FHOD3: variants seen among roughly 807,000 people sequenced by gnomAD.
FHOD3 encodes the protein FH1/FH2 domain-containing protein 3.
A neutral mutation model predicts 173.0 loss-of-function variants in FHOD3; 90 were observed. The observed-to-expected ratio is 0.52, with a 90% CI of 0.44 to 0.62. The LOEUF (loss-of-function observed/expected upper bound fraction) is 0.62, where lower values mean the gene tolerates loss of function less well. Among genes scored for constraint, FHOD3 ranks in the 20% least tolerant of loss-of-function variants. The pLI is 0.00. For synonymous variants in FHOD3, 828 were observed against 823.0 expected (o/e 1.01, Z -0.10); for missense variants, 1,945 against 2,034.7 (o/e 0.96, Z 0.85).
At chr18:36,529,734 A>G (rs2056697375) in intron 5 of FHOD3, among the ~76,000 whole-genome samples, 1 of 152,200 alleles carries the variant, frequency 6.6e-6, no homozygotes. Flanking sequence ...CAGGAGGCAG[A>G]GGTTGCAGTG....
At chr18:36,373,128 G>A (rs985893297) in intron 3 of FHOD3, among the ~76,000 whole-genome samples, 1 of 152,162 alleles carries the variant, frequency 6.6e-6, no homozygotes, top group African/African-American at 2.4e-5. Context: ...TTGTTATCAG[G>A]TGACTAAAAG....
intron 3 of FHOD3, among the ~76,000 whole-genome samples, chr18:36,484,897 C>T (rs2054114629): frequency 6.6e-6 from 1 of 152,210 alleles, no homozygotes; most frequent in Non-Finnish European, 1.5e-5. Flanking sequence ...TCCCGGCTGG[C>T]TTCCTGTTCC....
At chr18:36,638,808 G>C (rs2035073248) in intron 10 of FHOD3, among the ~76,000 whole-genome samples, 1 of 152,194 alleles carries the variant, frequency 6.6e-6, no homozygotes, top group African/African-American at 2.4e-5. Flanking sequence ...GACAGTGTCA[G>C]TCACCCCCAT....
intron 25 of FHOD3, among the ~76,000 whole-genome samples, chr18:36,758,589 C>T (rs1236491255): frequency 6.6e-6 from 1 of 152,120 alleles, no homozygotes; most frequent in East Asian, 1.9e-4. Flanking sequence ...GAAGGACCAG[C>T]GGTAGCCCAG....
chr18:36,406,631 T>A (rs2049087864), intron 3 of FHOD3, among the ~76,000 whole-genome samples: 1 of 152,174 alleles, frequency 6.6e-6, no homozygotes, highest in Non-Finnish European at 1.5e-5. Context: ...ATGAATGAAT[T>A]TGATCTGAGA....
intron 13 of FHOD3, among the ~76,000 whole-genome samples, chr18:36,653,664 G>A (rs2036217786): frequency 6.6e-6 from 1 of 152,176 alleles, no homozygotes; most frequent in Admixed American, 6.5e-5. Context: ...GTGTCCACCT[G>A]TATTAATGCC....
intron 12 of FHOD3, 121 bp downstream of exon 12, chr18:36,653,050 G>T: frequency 7.5e-7 from 1 of 1,336,366 alleles, no homozygotes. Flanking sequence ...CCCAAGCAGG[G>T]AGCAGTTGTG....
intron 14 of FHOD3, among the ~76,000 whole-genome samples, chr18:36,677,312 C>T (rs1199557038): frequency 6.6e-6 from 1 of 152,100 alleles, no homozygotes; most frequent in Non-Finnish European, 1.5e-5. Context: ...CGCCACCATG[C>T]CCAGCTAATT....
At chr18:36,416,272 A>G (rs1339621079) in intron 3 of FHOD3, among the ~76,000 whole-genome samples, 1 of 152,210 alleles carries the variant, frequency 6.6e-6, no homozygotes, top group Non-Finnish European at 1.5e-5. Flanking sequence ...TGACCTCGTG[A>G]TCCGCCTGCC....
At chr18:36,530,743 G>A (rs2056747535) in intron 5 of FHOD3, among the ~76,000 whole-genome samples, 1 of 152,186 alleles carries the variant, frequency 6.6e-6, no homozygotes, top group Non-Finnish European at 1.5e-5. Flanking sequence ...TAGAATTGCT[G>A]GTCAAGGGGT....
At chr18:36,435,719 ATGCACAGATT>A (rs1369448917) in intron 3 of FHOD3, among the ~76,000 whole-genome samples, 1 of 152,196 alleles carries the variant, frequency 6.6e-6, no homozygotes, top group Non-Finnish European at 1.5e-5. Context: ...AGGTTAAAGA[ATGCACAGATT>A]TGCTAAGTGG....
At chr18:36,532,103 T>C in intron 5 of FHOD3, among the ~76,000 whole-genome samples, 1 of 152,232 alleles carries the variant, frequency 6.6e-6, no homozygotes, top group East Asian at 1.9e-4. Context: ...ATGCAGCCAT[T>C]GGAGGAAAAC....
At chr18:36,512,247 G>C (rs938995824) in intron 4 of FHOD3, among the ~76,000 whole-genome samples, 191 bp from the exon 5 acceptor site, 1 of 152,192 alleles carries the variant, frequency 6.6e-6, no homozygotes, top group African/African-American at 2.4e-5. Flanking sequence ...ACTGGTGTTT[G>C]GCAAAGGACA....
chr18:36,501,559 T>C (rs1438964420), intron 3 of FHOD3, among the ~76,000 whole-genome samples: 1 of 152,010 alleles, frequency 6.6e-6, no homozygotes, highest in Non-Finnish European at 1.5e-5. Flanking sequence ...GTTTATAAAC[T>C]GGAAAATAGG....
At chr18:36,336,450 G>A (rs1233439334) in intron 1 of FHOD3, among the ~76,000 whole-genome samples, 3 of 152,154 alleles carry the variant, frequency 2.0e-5, no homozygotes, top group Non-Finnish European at 4.4e-5. Flanking sequence ...CTCATAGATG[G>A]TAATCTGTGA....
At chr18:36,301,510 G>A (rs1218897239) in intron 1 of FHOD3, among the ~76,000 whole-genome samples, 1 of 152,138 alleles carries the variant, frequency 6.6e-6, no homozygotes, top group Non-Finnish European at 1.5e-5. Context: ...TTCAAATCAG[G>A]TGCCATATTC....
intron 14 of FHOD3, among the ~76,000 whole-genome samples, chr18:36,668,657 C>T (rs1357201348): frequency 6.6e-6 from 1 of 151,914 alleles, no homozygotes; most frequent in African/African-American, 2.4e-5. Context: ...TTGCTGCATT[C>T]CACAAAGTTT....
intron 5 of FHOD3, among the ~76,000 whole-genome samples, chr18:36,575,393 A>G (rs1445978866): frequency 6.6e-6 from 1 of 152,220 alleles, no homozygotes; most frequent in African/African-American, 2.4e-5. Flanking sequence ...TAATCAACGT[A>G]TTTCATGTAG....
intron 19 of FHOD3, among the ~76,000 whole-genome samples, chr18:36,730,040 C>T (rs1555826785): frequency 6.6e-6 from 1 of 152,196 alleles, no homozygotes; most frequent in Non-Finnish European, 1.5e-5. Flanking sequence ...TTGGAAGGCT[C>T]CTCTTCATTC....
Sources: gnomAD v4.1 joint callset for allele counts (sites outside exome capture counted in the v4.1 genomes callset) on GRCh38, gnomAD v4.1.1 for gene constraint, MANE v1.5 for transcripts, NCBI Gene and HGNC (gene_info 2026-07-23, HGNC 2026-07-21) for gene names.